Variants in CEP89 observed in about 807,000 individuals in gnomAD.
CEP89 encodes the protein centrosomal protein 89.
In CEP89, 95 loss-of-function variants were observed where a neutral mutation model predicts 97.6. That is an observed-to-expected ratio of 0.97 (90% CI 0.82 to 1.15). The LOEUF (loss-of-function observed/expected upper bound fraction) is 1.15, where lower values mean the gene tolerates loss of function less well. Among genes scored for constraint, CEP89 ranks in the 50% most tolerant of loss-of-function variants. The pLI is 0.00. For synonymous variants in CEP89, 354 were observed against 349.1 expected (o/e 1.01, Z -0.16); for missense variants, 869 against 947.7 (o/e 0.92, Z 1.09).
chr19:32,931,325 T>A, intron 9 of CEP89, 104 bp downstream of exon 9: 1 of 1,079,650 alleles, frequency 9.3e-7, no homozygotes, highest in Non-Finnish European at 1.3e-6. Context: ...AGAGCTTTTC[T>A]TACATCAAAT....
chr19:32,927,013 GT>G (rs762475425), intron 9 of CEP89, 29 bp from the exon 10 acceptor site: 1 of 1,584,666 alleles, frequency 6.3e-7, no homozygotes, highest in Non-Finnish European at 8.7e-7. Flanking sequence ...TTGAAGACAA[GT>G]TAAACCACAC....
chr19:32,932,182 CA>C (rs772866337), intron 8 of CEP89, among the ~76,000 whole-genome samples: 153 of 112,622 alleles, frequency 1.4e-3, no homozygotes, highest in Non-Finnish European at 1.3e-3. Flanking sequence ...CTCCATCTCA[CA>C]AAAAAAAAAA....
In CEP89 at chr19:32,878,506, C is replaced by T. The variant is rs2145861821; in HGVS notation, c.*656G>A. The T allele has an allele frequency of 6.6e-6, 1 of 152,422 alleles. No individual in the cohort carries two copies. The highest frequency in any genetic ancestry group is 1.5e-5 in the Non-Finnish European group (1 of 68,118). 9.4% of individuals were successfully genotyped at this position (152,422 alleles called of 1,614,324 possible). On this transcript the variant is annotated 3_prime_UTR_variant, in exon 19 of 19. Transcript: ENST00000305768. ...ATGGCACGAGGGCTCAGCTGCCCGC[C>T]CAACCCTTCCAGCACTTCCCAGCTG...
intron 16 of CEP89, among the ~76,000 whole-genome samples, chr19:32,890,408 A>G (rs1969488029): frequency 9.0e-6 from 1 of 110,608 alleles, no homozygotes; most frequent in Admixed American, 8.3e-5. Flanking sequence ...TCAAAAACCA[A>G]ACAAACAAAC....
chr19:32,902,457 G>A (rs1969801111), intron 14 of CEP89, among the ~76,000 whole-genome samples: 1 of 152,240 alleles, frequency 6.6e-6, no homozygotes, highest in East Asian at 1.9e-4. Flanking sequence ...AAAGAAGAAT[G>A]TTGAAAATAC....
chr19:32,926,025 C>G lies in CEP89; in HGVS notation c.1164+165G>C, dbSNP rs548016204. 2.5e-3 allele frequency among the ~76,000 whole-genome samples: 379 copies of G among 152,240 alleles called. 1 individual carries two copies. Among genetic ancestry groups the G allele is most frequent in the African/African-American group, 8.9e-3 (368 of 41,544 alleles). On this transcript the variant is annotated intron_variant, in intron 11 of 18. Coordinates refer to ENST00000305768, the MANE Select transcript of CEP89 (RefSeq NM_032816.5). ...TCCTCCCCTCTTCCTTCTTTCCCTGCCTCCCACCCTGCCACACTCCTTCCT... is the reference window on the plus strand; with the variant it reads ...TCCTCCCCTCTTCCTTCTTTCCCTGGCTCCCACCCTGCCACACTCCTTCCT...
chr19:32,889,721 C>T (rs999264891), intron 16 of CEP89, among the ~76,000 whole-genome samples: 2 of 152,170 alleles, frequency 1.3e-5, no homozygotes, highest in East Asian at 1.9e-4. Flanking sequence ...ATTCCCTGCA[C>T]GTCCTGCCCT....
chr19:32,919,039 G>A (rs956565405), intron 12 of CEP89, among the ~76,000 whole-genome samples: 3 of 151,532 alleles, frequency 2.0e-5, no homozygotes, highest in Admixed American at 6.6e-5. Flanking sequence ...TGCCCACCAC[G>A]CCGCCTGGCT....
At chr19:32,892,746 G>T (rs1025043990) in intron 16 of CEP89, among the ~76,000 whole-genome samples, 49 of 149,416 alleles carry the variant, frequency 3.3e-4, no homozygotes, top group African/African-American at 1.2e-3. Flanking sequence ...CTTCATAAAT[G>T]AAGGAGTAAA....
At chr19:32,938,358 T>G (rs1276203466) in intron 6 of CEP89, among the ~76,000 whole-genome samples, 1 of 152,138 alleles carries the variant, frequency 6.6e-6, no homozygotes, top group Non-Finnish European at 1.5e-5. Context: ...CTCTTCTCAC[T>G]GGGATGGGCA....
At chr19:32,958,729 A>C (rs1423428580) in intron 3 of CEP89, among the ~76,000 whole-genome samples, 1 of 141,538 alleles carries the variant, frequency 7.1e-6, no homozygotes, top group Non-Finnish European at 1.6e-5. Flanking sequence ...TTAAAAAGGC[A>C]AATGTGGCCA....
At chr19:32,887,250 C>T (rs920999818) in intron 17 of CEP89, among the ~76,000 whole-genome samples, 4 of 151,654 alleles carry the variant, frequency 2.6e-5, no homozygotes, top group African/African-American at 9.7e-5. Context: ...CAGGGTCTCA[C>T]TCTGTCACCC....
chr19:32,945,333 C>A (rs1385466805), intron 5 of CEP89, among the ~76,000 whole-genome samples: 1 of 150,920 alleles, frequency 6.6e-6, no homozygotes, highest in Non-Finnish European at 1.5e-5. Flanking sequence ...CAGCCCTGAG[C>A]CACTAAATTA....
Position 32,933,502 on chromosome 19 carries a change from C to G in CEP89, c.835G>C (p.Glu279Gln), listed in dbSNP as rs751547925. Residue 279 changes from glutamate to glutamine, a missense_variant, in exon 8 of 19, where the codon GAA becomes CAA. Physicochemically the swap from Glu to Gln is conservative, Grantham distance 29. Transcript: ENST00000305768. ...TCTTTGAGCTTTCTCTTCTCTTTTT[C>G]CATTCCCTTAAGTTTTAACTGTAGT... ...KELQLKLKGM[E>Q]KEKRKLKEAE... 4 of 1,614,120 alleles carry G rather than the reference C, an allele frequency of 2.5e-6. No individual in the cohort carries two copies. In the East Asian group the frequency reaches 8.9e-5, roughly 36 times the overall value.
At chr19:32,890,719 C>CAA (rs1969497009) in intron 16 of CEP89, among the ~76,000 whole-genome samples, 1 of 152,118 alleles carries the variant, frequency 6.6e-6, no homozygotes, top group African/African-American at 2.4e-5. Context: ...TGATCCCAGC[C>CAA]CCAGGGGAGC....
chr19:32,919,576 G>C (rs373247704), intron 12 of CEP89, among the ~76,000 whole-genome samples: 10 of 152,310 alleles, frequency 6.6e-5, no homozygotes, highest in African/African-American at 2.4e-4. Flanking sequence ...CTGCCATGCT[G>C]TTGGGAGGGG....
chr19:32,881,955 T>C lies in CEP89; in HGVS notation c.2024A>G (p.Gln675Arg). ...LGDISHRLLE[Q>R]QEDFAGKTAQ... ...TGTCTTGCCGGCGAAGTCCTCCTGC[T>C]GCTCCAGCAGACGGTGACTGATGTC... Residue 675 changes from glutamine (Q) to arginine (R), a missense_variant, in exon 18 of 19, where the codon CAG becomes CGG. Gln to Arg is a conservative substitution (Grantham distance 43, BLOSUM62 1). Coordinates refer to ENST00000305768, the MANE Select transcript of CEP89 (RefSeq NM_032816.5). The C allele has an allele frequency of 2.5e-6, 4 of 1,595,050 alleles. No individual in the cohort carries two copies. The highest frequency in any genetic ancestry group is 3.4e-6 in the Non-Finnish European group (4 of 1,171,302).
chr19:32,914,875 A>T (rs1970087331), intron 14 of CEP89, among the ~76,000 whole-genome samples: 1 of 151,978 alleles, frequency 6.6e-6, no homozygotes, highest in African/African-American at 2.4e-5. Context: ...TACAAAAATT[A>T]GGCAGGTGTG....
chr19:32,934,756 G>A (rs374452597), intron 7 of CEP89, among the ~76,000 whole-genome samples: 1 of 152,130 alleles, frequency 6.6e-6, no homozygotes, highest in Non-Finnish European at 1.5e-5. Context: ...CTAGAAAATG[G>A]GGAGGGGTGG....
Sources: allele counts gnomAD v4.1 joint callset (sites outside exome capture counted in the v4.1 genomes callset), GRCh38; gene constraint gnomAD v4.1.1; transcripts MANE v1.5; gene names NCBI Gene and HGNC (gene_info 2026-07-23, HGNC 2026-07-21).